The following ANKRD27 variants were observed in gnomAD, a reference collection of about 807,000 sequenced individuals.
The protein encoded by ANKRD27 is ankyrin repeat domain-containing protein 27.
In ANKRD27, 112 loss-of-function variants were observed where a neutral mutation model predicts 129.7. That is an observed-to-expected ratio of 0.86 (90% CI 0.74 to 1.01). The LOEUF is 1.01. Among genes scored for constraint, ANKRD27 ranks in the 50% least tolerant of loss-of-function variants. The pLI, the probability that ANKRD27 is intolerant of heterozygous loss-of-function variation, is 0.00. For synonymous variants in ANKRD27, 516 were observed against 511.2 expected, an observed-to-expected ratio of 1.01 and a Z score of -0.13; for missense variants, 1,258 against 1,300.5, an observed-to-expected ratio of 0.97 and a Z score of 0.50.
chr19:32,631,462 A>G lies in ANKRD27; in HGVS notation c.1149T>C (p.Leu383=). ...ESEGFGDRLF[L]KQRMSLLSQM... ...GAGAGAGTAAGCTCATTCTCTGCTTAAGGAACAGCCTGTCTCCAAATCCCT... is the reference window on the plus strand; with the variant it reads ...GAGAGAGTAAGCTCATTCTCTGCTTGAGGAACAGCCTGTCTCCAAATCCCT... Residue 383 remains leucine (L), a synonymous_variant, in exon 13 of 29, where the codon CTT becomes CTC. Coordinates refer to ENST00000306065, the MANE Select transcript of ANKRD27 (RefSeq NM_032139.3). The G allele has an allele frequency of 6.2e-7, 1 of 1,614,172 alleles. No homozygotes were observed. The highest frequency in any genetic ancestry group is 1.1e-5 in the South Asian group (1 of 91,084).
At chr19:32,616,778 C>T (rs1209817221) in intron 21 of ANKRD27, among the ~76,000 whole-genome samples, 2 of 152,164 alleles carry the variant, frequency 1.3e-5, no homozygotes, top group Admixed American at 6.5e-5. Context: ...CTGCTTATGA[C>T]TCCTCAGAGC....
intron 1 of ANKRD27, chr19:32,672,930 G>A (rs1256229030): frequency 6.6e-6 from 1 of 152,132 alleles, no homozygotes; most frequent in Non-Finnish European, 1.5e-5. Context: ...ATCATGACAT[G>A]GTCACATTCC....
In ANKRD27 at chr19:32,598,391, T is replaced by C. The variant is rs778592813; in HGVS notation, c.2920-13A>G. 23 of 1,613,344 alleles carry C rather than the reference T, an allele frequency of 1.4e-5. No individual in the cohort carries two copies. The highest frequency in any genetic ancestry group is 1.7e-5 in the Non-Finnish European group (20 of 1,179,400). ...TTTGCCTCCCTGGCTAAAGAAAAAG[T>C]ACATTTTTAACCGTTGACGTCCTCA... On this transcript the variant is annotated splice_polypyrimidine_tract_variant and intron_variant, in intron 28 of 28. Coordinates refer to ENST00000306065, the MANE Select transcript of ANKRD27 (RefSeq NM_032139.3).
At chr19:32,647,810 C>A (rs1300319848) in intron 3 of ANKRD27, among the ~76,000 whole-genome samples, 1 of 152,232 alleles carries the variant, frequency 6.6e-6, no homozygotes, top group Non-Finnish European at 1.5e-5. Context: ...CACAGTAAGC[C>A]ATGCAGGGAG....
rs750658127 is a variant in ANKRD27, at chr19:32,643,646, G to A, written c.526-15C>T. On this transcript the variant is annotated splice_polypyrimidine_tract_variant and intron_variant, in intron 5 of 28. Transcript: ENST00000306065. ...TTCGCTGAGTCCTAAACCACATAGA[G>A]CAGAGGGACAGGCCACCCTTACCAG... 2 of 1,613,636 alleles carry A rather than the reference G, an allele frequency of 1.2e-6. No individual in the cohort carries two copies. The highest frequency in any genetic ancestry group is 2.2e-5 in the East Asian group (1 of 44,878).
Position 32,598,268 on chromosome 19 carries a change from C to A in ANKRD27, c.3030G>T (p.Gln1010His). ...SDWPERPGLT[Q>H]TGPGHRRMLR... ...GCATCCGTCTGTGTCCAGGGCCAGT[C>A]TGTGTCAGTCCAGGCCTCTCTGGCC... is the stretch of plus-strand genomic sequence containing the variant. Residue 1010 changes from glutamine to histidine, a missense_variant, in exon 29 of 29, where the codon CAG becomes CAT. By Grantham distance (24) the Gln-to-His change is conservative (BLOSUM62 0). Coordinates refer to ENST00000306065, the MANE Select transcript of ANKRD27 (RefSeq NM_032139.3). The A allele has an allele frequency of 6.2e-7, 1 of 1,614,196 alleles. No homozygotes were observed. Among genetic ancestry groups the A allele is most frequent in the South Asian group, 1.1e-5 (1 of 91,090 alleles).
In ANKRD27 at chr19:32,627,393, TATTTATTTATTTATTTA is replaced by T. The variant is rs1568405359; in HGVS notation, c.1421-583_1421-567del. ...TTATTTATTTATTTATTTATTTATT[TATTTATTTATTTATTTA>T]TTTTTTGAGACAGAGTCTCACTCAG... On this transcript the variant is annotated intron_variant, in intron 15 of 28. Coordinates refer to ENST00000306065, the MANE Select transcript of ANKRD27 (RefSeq NM_032139.3). Among the ~76,000 whole-genome samples the T allele has an allele frequency of 9.1e-4, 118 of 129,054 alleles. 1 individual carries two copies. The highest frequency in any genetic ancestry group is 3.0e-3 in the African/African-American group (113 of 37,722). 84.7% of individuals were successfully genotyped at this position (129,054 alleles called of 152,430 possible).
intron 5 of ANKRD27, 52 bp from the exon 6 acceptor site, chr19:32,643,683 C>G: frequency 1.3e-6 from 2 of 1,591,456 alleles, no homozygotes; most frequent in Non-Finnish European, 1.7e-6. Context: ...AAGGCCATGA[C>G]GGGGGAGCCG....
In ANKRD27 at chr19:32,622,446, G is replaced by A. The variant is rs2145277592; in HGVS notation, c.1803C>T (p.Pro601=). The part of the protein sequence containing the change: ...TEIQNRLKET[P]LKCALNSKIL... ...CCTTTGAGTTTAATGCACACTTGAG[G>A]GGCGTCTCCTTCAGTCTGTTCTGGA... The change falls in exon 18 of 29, where the codon CCC becomes CCT. Residue 601 remains proline, a synonymous_variant. Coordinates refer to ENST00000306065, the MANE Select transcript of ANKRD27 (RefSeq NM_032139.3). The A allele has an allele frequency of 6.2e-6, 10 of 1,613,814 alleles. No individual in the cohort carries two copies. The highest frequency in any genetic ancestry group is 1.1e-5 in the South Asian group (1 of 91,062).
chr19:32,613,867 C>T (rs1046849681), intron 22 of ANKRD27, among the ~76,000 whole-genome samples: 1 of 151,998 alleles, frequency 6.6e-6, no homozygotes, highest in African/African-American at 2.4e-5. Context: ...CGCCACCACG[C>T]CCAGCTAATT....
intron 2 of ANKRD27, among the ~76,000 whole-genome samples, chr19:32,651,528 C>T (rs1425904350): frequency 6.6e-6 from 1 of 152,150 alleles, no homozygotes; most frequent in African/African-American, 2.4e-5. Context: ...CGCCACCACA[C>T]CCGGCTAATT....
intron 20 of ANKRD27, 129 bp from the exon 21 acceptor site, chr19:32,617,762 T>G: frequency 2.1e-6 from 1 of 466,364 alleles, no homozygotes. Flanking sequence ...AGTTTTTTTT[T>G]TTTTTTTTTG....
At chr19:32,599,445 A>G (rs1971618086) in intron 28 of ANKRD27, among the ~76,000 whole-genome samples, 1 of 152,226 alleles carries the variant, frequency 6.6e-6, no homozygotes, top group Admixed American at 6.5e-5. Flanking sequence ...TTCATCTCCT[A>G]TAAGCACCAA....
chr19:32,651,904 G>A (rs1373701086), intron 2 of ANKRD27, among the ~76,000 whole-genome samples: 3 of 152,138 alleles, frequency 2.0e-5, no homozygotes, highest in African/African-American at 7.2e-5. Context: ...TAGTTTTCTG[G>A]CAGACATAAA....
At chr19:32,626,562 C>A in intron 16 of ANKRD27, 150 bp downstream of exon 16, 1 of 577,712 alleles carries the variant, frequency 1.7e-6, no homozygotes. Context: ...GACTCCCTGA[C>A]TACTGCTGCA....
In ANKRD27 at chr19:32,597,844, G is replaced by A. The variant is rs1228745173; in HGVS notation, c.*301C>T. 9.4e-6 allele frequency: 4 copies of A among 423,838 alleles called. No individual in the cohort carries two copies. Among genetic ancestry groups the A allele is most frequent in the Non-Finnish European group, 8.7e-6 (2 of 228,742 alleles). 26.3% of individuals were successfully genotyped at this position (423,838 alleles called of 1,614,324 possible). On this transcript the variant is annotated 3_prime_UTR_variant, in exon 29 of 29. Transcript: ENST00000306065. ...ATGCGGTGGTGAAACCTCTCCCACT[G>A]TGACCAACAAACCCTCATACTTAAA...
chr19:32,623,594 G>T (rs1023063317), intron 17 of ANKRD27, among the ~76,000 whole-genome samples: 7 of 150,698 alleles, frequency 4.6e-5, no homozygotes, highest in African/African-American at 1.7e-4. Context: ...CTGTCGCCTA[G>T]GCTGGAGTAC....
Position 32,602,107 on chromosome 19 carries a change from A to T in ANKRD27, c.2675T>A (p.Leu892Ter), listed in dbSNP as rs1223541186. Residue 892 changes from leucine to a stop codon, truncating the protein, a stop_gained, in exon 26 of 29, where the codon TTG (leucine) becomes TAG (stop). Coordinates refer to ENST00000306065, the MANE Select transcript of ANKRD27 (RefSeq NM_032139.3). LOFTEE classifies it high-confidence loss of function. ...AACACAGCTTGGTACCACCTGAAGC[A>T]ATTCCATTATTTTTGAATTCTGCAA... ...CAEQNSKIME[L>*]LQVVPSCVAS... The T allele has an allele frequency of 6.2e-7, 1 of 1,612,134 alleles. No homozygotes were observed. The highest frequency in any genetic ancestry group is 8.5e-7 in the Non-Finnish European group (1 of 1,178,842).
At chr19:32,612,939 C>A (rs931105569) in intron 22 of ANKRD27, among the ~76,000 whole-genome samples, 6 of 152,064 alleles carry the variant, frequency 3.9e-5, no homozygotes, top group Non-Finnish European at 8.8e-5. Context: ...GAAATACTGA[C>A]AAATGAGATG....
Sources: allele counts gnomAD v4.1 joint callset (sites outside exome capture counted in the v4.1 genomes callset), GRCh38; gene constraint gnomAD v4.1.1; transcripts MANE v1.5; gene names NCBI Gene and HGNC (gene_info 2026-07-23, HGNC 2026-07-21).